The following PGM3 variants were observed in gnomAD, a reference collection of about 807,000 sequenced individuals.
PGM3 encodes phosphoglucomutase 3.
PGM3 carries 40 observed loss-of-function variants against 66.2 expected under a neutral mutation model. That is an observed-to-expected ratio of 0.60 (90% confidence interval 0.47 to 0.79). PGM3 has a LOEUF of 0.79. Among genes scored for constraint, PGM3 ranks in the 30% least tolerant of loss-of-function variants. The pLI is 0.00. For missense variants in PGM3, 537 were observed against 643.4 expected (o/e 0.83, Z 1.79); for synonymous variants, 191 against 224.2 (o/e 0.85, Z 1.32).
In PGM3 at chr6:83,166,091, A is replaced by G; in HGVS notation, c.*3143T>C. 2.7e-6 allele frequency: 1 copy of G among 363,986 alleles called. No homozygotes were observed. The highest frequency in any genetic ancestry group is 4.9e-6 in the Non-Finnish European group (1 of 202,846). The allele number at this position is 363,986 out of a possible 1,614,324, so 22.5% of individuals were successfully genotyped here. On this transcript the variant is annotated 3_prime_UTR_variant, in exon 13 of 13. Transcript: ENST00000513973. ...GCACACATCACAATCCGATAGAGAA[A>G]TGATTCATTATTGTTGCATAGAATA...
chr6:83,148,867 A>G, the PGM3 span: 2 of 1,480,248 alleles, frequency 1.4e-6, no homozygotes, highest in Non-Finnish European at 1.8e-6. Context: ...TACTTGGGTA[A>G]GCAATTTCAC....
chr6:83,173,373 C>T (rs1400694354), intron 10 of PGM3, among the ~76,000 whole-genome samples: 3 of 152,172 alleles, frequency 2.0e-5, no homozygotes, highest in Admixed American at 6.5e-5. Flanking sequence ...GACTGGATAA[C>T]TCTAAGGCTC....
intron 6 of PGM3, among the ~76,000 whole-genome samples, 185 bp from the exon 7 acceptor site, chr6:83,180,152 A>T (rs538223772): frequency 7.2e-5 from 11 of 152,370 alleles, no homozygotes; most frequent in Non-Finnish European, 1.5e-4. Context: ...GCAAAGTGAA[A>T]AAAGGAGCAT....
At chr6:83,189,672 T>A (rs568065472) in intron 2 of PGM3, among the ~76,000 whole-genome samples, 1 of 152,324 alleles carries the variant, frequency 6.6e-6, no homozygotes, top group African/African-American at 2.4e-5. Flanking sequence ...AAACCCTGTA[T>A]TAATGGCCTA....
intron 4 of PGM3, among the ~76,000 whole-genome samples, chr6:83,186,365 G>A (rs1788579094): frequency 6.6e-6 from 1 of 152,160 alleles, no homozygotes; most frequent in African/African-American, 2.4e-5. Context: ...CCTCAGCAGA[G>A]GCCAGACTGA....
chr6:83,153,102 A>C, the PGM3 span, among the ~76,000 whole-genome samples: 1 of 152,218 alleles, frequency 6.6e-6, no homozygotes, highest in African/African-American at 2.4e-5. Flanking sequence ...ACTAAGGCCA[A>C]ATAGCTGTTA....
At chr6:83,158,430 A>T, downstream of PGM3, 1 of 728,990 alleles carries the variant, frequency 1.4e-6, no homozygotes, top group Non-Finnish European at 2.3e-6. Context: ...TTACCTTCAG[A>T]AACTAAGTAT....
intron 8 of PGM3, 146 bp downstream of exon 8, chr6:83,178,527 T>C: frequency 1.7e-6 from 1 of 600,702 alleles, no homozygotes; most frequent in East Asian, 3.0e-5. Context: ...AACTAAATTT[T>C]TTCTTATTTA....
the PGM3 span, chr6:83,155,953 C>T: frequency 2.5e-6 from 4 of 1,604,594 alleles, no homozygotes; most frequent in African/African-American, 1.3e-5. Context: ...TTTTTCAGCT[C>T]GTGTAGCAGT....
downstream of PGM3, chr6:83,162,940 T>C: frequency 4.4e-6 from 7 of 1,605,300 alleles, no homozygotes; most frequent in Non-Finnish European, 6.0e-6. Flanking sequence ...CTTTTGTGAT[T>C]GTTTTGTTTT....
At chr6:83,154,316 C>G in the PGM3 span, 1 of 1,379,716 alleles carries the variant, frequency 7.2e-7, no homozygotes, top group Non-Finnish European at 1.0e-6. Flanking sequence ...GTACTCTTTT[C>G]TGGAGACTAG....
Position 83,168,648 on chromosome 6 carries a change from G to A in PGM3, c.*586C>T. On this transcript the variant is annotated 3_prime_UTR_variant, in exon 13 of 13. Coordinates refer to ENST00000513973, the MANE Select transcript of PGM3 (RefSeq NM_015599.3). Reference sequence around the variant, plus strand: ...AGCAGTGAAGAATAACTGAAGGCTGGACCATGCATCCTTAAAAGTATTGCA... The same window carrying A: ...AGCAGTGAAGAATAACTGAAGGCTGAACCATGCATCCTTAAAAGTATTGCA... 2.0e-6 allele frequency: 2 copies of A among 995,702 alleles called. No individual in the cohort carries two copies. Among genetic ancestry groups the A allele is most frequent in the Non-Finnish European group, 2.4e-6 (2 of 836,366 alleles). The allele number at this position is 995,702 out of a possible 1,614,324, so 61.7% of individuals were successfully genotyped here. A position where few individuals can be genotyped will look rare whatever the true frequency, so the allele number is the denominator to read the frequency against.
At chr6:83,188,952 G>T (rs1788824119) in intron 2 of PGM3, among the ~76,000 whole-genome samples, 154 bp from the exon 3 acceptor site, 1 of 152,108 alleles carries the variant, frequency 6.6e-6, no homozygotes, top group Non-Finnish European at 1.5e-5. Flanking sequence ...CCTGGATTAG[G>T]TATTTTATGT....
downstream of PGM3, chr6:83,158,684 T>C (rs1783430672): frequency 6.2e-6 from 7 of 1,121,464 alleles, no homozygotes; most frequent in Non-Finnish European, 9.2e-6. Flanking sequence ...ATTCAGAATA[T>C]TACTCAGCAT....
intron 2 of PGM3, 121 bp from the exon 3 acceptor site, chr6:83,188,919 A>T: frequency 1.5e-6 from 1 of 678,368 alleles, no homozygotes; most frequent in South Asian, 1.9e-5. Context: ...TTCAACAATA[A>T]ACACCAAATA....
rs770505447 is a variant in PGM3, at chr6:83,176,057, G to C, written c.1033C>G (p.Pro345Ala). The C allele has an allele frequency of 6.4e-7, 1 of 1,554,544 alleles. No homozygotes were observed. The highest frequency in any genetic ancestry group is 8.9e-7 in the Non-Finnish European group (1 of 1,126,184). Residue 345 changes from proline (P) to alanine (A), a missense_variant, in exon 9 of 13, where the codon CCT becomes GCT. Transcript: ENST00000513973. ...ACACCAGTCTTAGTGCAATAGACAG[G>C]TACCTATAACACATGCATTTAAAGA... ...TRYLEEVMKV[P>A]VYCTKTGVKH...
intron 4 of PGM3, among the ~76,000 whole-genome samples, 163 bp downstream of exon 4, chr6:83,186,845 G>A (rs1788617702): frequency 6.6e-6 from 1 of 152,018 alleles, no homozygotes. Flanking sequence ...GAAACGACCT[G>A]GAAGATGATT....
In PGM3 at chr6:83,165,962, A is replaced by C. The variant is rs1419151126; in HGVS notation, c.*3272T>G. On this transcript the variant is annotated 3_prime_UTR_variant, in exon 13 of 13. Coordinates refer to ENST00000513973, the MANE Select transcript of PGM3 (RefSeq NM_015599.3). ...AGCAAACCACCAAACAATGACCATGACCATTTTTTGGAGCAAGTTTGGCTT... is the reference window on the plus strand; with the variant it reads ...AGCAAACCACCAAACAATGACCATGCCCATTTTTTGGAGCAAGTTTGGCTT... 8.9e-6 allele frequency: 3 copies of C among 337,110 alleles called. No individual in the cohort carries two copies. Among genetic ancestry groups the C allele is most frequent in the Non-Finnish European group, 1.7e-5 (3 of 173,302 alleles). The allele number at this position is 337,110 out of a possible 1,614,324, so 20.9% of individuals were successfully genotyped here.
chr6:83,166,305 G>A lies in PGM3; in HGVS notation c.*2929C>T. 1 of 640,892 alleles carries A rather than the reference G, an allele frequency of 1.6e-6. No homozygotes were observed. The highest frequency in any genetic ancestry group is 1.9e-5 in the South Asian group (1 of 53,718). The allele number at this position is 640,892 out of a possible 1,614,324, so 39.7% of individuals were successfully genotyped here. ...ATCAGCTTCGATGATGTTCTCAATT[G>A]GTCATTATCAATTTCCGATGACTGG... On this transcript the variant is annotated 3_prime_UTR_variant, in exon 13 of 13. Coordinates refer to ENST00000513973, the MANE Select transcript of PGM3 (RefSeq NM_015599.3).
Sources: gnomAD v4.1 joint callset for allele counts (sites outside exome capture counted in the v4.1 genomes callset) on GRCh38, gnomAD v4.1.1 for gene constraint, MANE v1.5 for transcripts, NCBI Gene and HGNC (gene_info 2026-07-23, HGNC 2026-07-21) for gene names.